Variants in TRIM3 observed in about 807,000 individuals in gnomAD.
TRIM3 encodes tripartite motif-containing protein 3.
Under a neutral mutation model 66.6 loss-of-function variants are expected in TRIM3, and 13 were observed. The observed-to-expected ratio is 0.20, with a 90% CI of 0.13 to 0.31. The LOEUF (loss-of-function observed/expected upper bound fraction) is 0.31. TRIM3 is among the 10% of genes least tolerant of loss of function. The pLI is 1.00. For synonymous variants in TRIM3, 406 were observed against 411.7 expected (o/e 0.99, Z 0.17); for missense variants, 711 against 1,020.4 (o/e 0.70, Z 4.13).
At chr11:6,460,384 G>A (rs1340093939) in intron 2 of TRIM3, among the ~76,000 whole-genome samples, 1 of 152,142 alleles carries the variant, frequency 6.6e-6, no homozygotes, top group Non-Finnish European at 1.5e-5. Flanking sequence ...GTTTTTACCT[G>A]TTTGGCATGG....
Position 6,457,720 on chromosome 11 carries a change from C to T in TRIM3, c.491G>A (p.Arg164His), listed in dbSNP as rs763745606. The change falls in exon 4 of 12, where the codon CGC (arginine) becomes CAC (histidine). Residue 164 changes from arginine (R) to histidine (H), a missense_variant. By Grantham distance (29) the Arg-to-His change is conservative. Coordinates refer to ENST00000345851, the MANE Select transcript of TRIM3 (RefSeq NM_033278.4). This position sits in a 1 kb window ranked among gnomAD's most constrained non-coding sequence, Gnocchi z 4.5. ...CCGGCCACGCACAGCCTCGAGCTGG[C>T]GCTGCAGGGCCGCCTTGTGCTGCTC... ...VVEQHKAALQ[R>H]QLEAVRGRLP... 1.9e-5 allele frequency: 31 copies of T among 1,613,382 alleles called. No individual in the cohort carries two copies. The highest frequency in any genetic ancestry group is 2.4e-5 in the Non-Finnish European group (28 of 1,179,678).
chr11:6,464,420 T>C (rs77737416), intron 2 of TRIM3, among the ~76,000 whole-genome samples: 3 of 152,240 alleles, frequency 2.0e-5, no homozygotes, highest in Non-Finnish European at 4.4e-5. Flanking sequence ...CAGGGAAACC[T>C]TCCCTGATTC....
intron 1 of TRIM3, among the ~76,000 whole-genome samples, chr11:6,467,121 A>G (rs1850501882): frequency 6.6e-6 from 1 of 152,168 alleles, no homozygotes; most frequent in Admixed American, 6.5e-5. Context: ...GGTGGCAGAT[A>G]TTTTAAAAGT....
At chr11:6,465,854 G>A (rs766248520) in intron 1 of TRIM3, 122 bp from the exon 2 acceptor site, 2 of 794,088 alleles carry the variant, frequency 2.5e-6, no homozygotes, top group Non-Finnish European at 2.0e-6. Flanking sequence ...GCAAGACAGG[G>A]CAGTGACTGG....
chr11:6,473,913 C>CCGG lies in TRIM3; in HGVS notation c.-163_-161dup, dbSNP rs1483000667. 6.6e-6 allele frequency: 1 copy of CCGG among 152,096 alleles called. No homozygotes were observed. The highest frequency in any genetic ancestry group is 1.5e-5 in the Non-Finnish European group (1 of 68,090). 9.4% of individuals were successfully genotyped at this position (152,096 alleles called of 1,614,324 possible). The stretch of plus-strand genomic sequence containing the variant: ...GCCCGCGCCTCCGCCTGTCCCCGCG[C>CCGG]CGGCGCCGCCGCCGGACTAGCCGCA... On this transcript the variant is annotated 5_prime_UTR_variant, in exon 1 of 12. Transcript: ENST00000345851.
chr11:6,457,225 A>G lies in TRIM3; in HGVS notation c.696+71T>C. On this transcript the variant is annotated intron_variant, in intron 5 of 11. Transcript: ENST00000345851. This position sits in a 1 kb window ranked among gnomAD's most constrained non-coding sequence, Gnocchi z 4.5. ...GGGGAATGGGGAGCTGGTGTGGAAG[A>G]CAGAGGAACAATGGAGGCAATAACA... 6.4e-7 allele frequency: 1 copy of G among 1,573,408 alleles called. No individual in the cohort carries two copies. The highest frequency in any genetic ancestry group is 2.2e-5 in the East Asian group (1 of 44,504).
intron 1 of TRIM3, among the ~76,000 whole-genome samples, chr11:6,473,462 A>G (rs1169284987): frequency 6.6e-6 from 1 of 151,816 alleles, no homozygotes; most frequent in Admixed American, 6.6e-5. Context: ...AATATTCCAG[A>G]GTCCCACTCA....
Position 6,451,049 on chromosome 11 carries a change from T to A in TRIM3, c.1713A>T (p.Gly571=). 1 of 1,614,106 alleles carries A rather than the reference T, an allele frequency of 6.2e-7. No homozygotes were observed. Among genetic ancestry groups the A allele is most frequent in the East Asian group, 2.2e-5 (1 of 44,876 alleles). The change falls in exon 9 of 12, where the codon GGA becomes GGT. Residue 571 remains glycine, a synonymous_variant. Transcript: ENST00000345851. Reference sequence around the variant, plus strand: ...CCTTGGGGCCCATGAGGCGGCCAGCTCCAATCTTGGTCTGGAGGAAGAGAA... The same window carrying A: ...CCTTGGGGCCCATGAGGCGGCCAGCACCAATCTTGGTCTGGAGGAAGAGAA... ...SPEGKFKTKI[G]AGRLMGPKGV... is the part of the protein sequence containing the mutation.
At chr11:6,454,437 A>G (rs1350322555) in intron 7 of TRIM3, among the ~76,000 whole-genome samples, 1 of 151,774 alleles carries the variant, frequency 6.6e-6, no homozygotes, top group African/African-American at 2.4e-5. Flanking sequence ...ACCAGGACAG[A>G]CAAAGTGGCA....
rs540900580 is a variant in TRIM3, at chr11:6,455,438, GA to G, written c.1533+633del. On this transcript the variant is annotated intron_variant, in intron 7 of 11. Transcript: ENST00000345851. The stretch of plus-strand genomic sequence containing the variant: ...GAGCTTTTACTACAAGAAACAGAGG[GA>G]AAAAAAGGCACATTTCCTGGCTTTG... Among the ~76,000 whole-genome samples, 33 of 152,036 alleles carry G rather than the reference GA, an allele frequency of 2.2e-4. No homozygotes were observed. In the South Asian group the frequency reaches 3.9e-3, roughly 18 times the overall value.
rs1176284010 is a variant in TRIM3 at position 6,456,802 on chromosome 11, C to T, written c.924G>A (p.Ser308=). ...TGAGCAGTGCGCCCAGATTGAGCAC[C>T]GATCGCCGCAGACCGTCCACCTCAA... The part of the protein sequence containing the change: ...LVLEVDGLRR[S]VLNLGALLTT... Residue 308 remains serine, a synonymous_variant, in exon 6 of 12, where the codon TCG becomes TCA. Coordinates refer to ENST00000345851, the MANE Select transcript of TRIM3 (RefSeq NM_033278.4). The surrounding 1 kb of genome is among the most constrained non-coding windows in gnomAD (Gnocchi z 6.4). 8 of 1,612,504 alleles carry T rather than the reference C, an allele frequency of 5.0e-6. No individual in the cohort carries two copies. The highest frequency in any genetic ancestry group is 1.1e-5 in the South Asian group (1 of 91,094).
chr11:6,466,101 C>T (rs1224717432), intron 1 of TRIM3, among the ~76,000 whole-genome samples: 3 of 152,100 alleles, frequency 2.0e-5, no homozygotes, highest in Admixed American at 6.5e-5. Context: ...ACTGACATAC[C>T]TACCCTTCAT....
At chr11:6,470,211 G>A (rs971337353) in intron 1 of TRIM3, among the ~76,000 whole-genome samples, 1 of 152,288 alleles carries the variant, frequency 6.6e-6, no homozygotes, top group East Asian at 1.9e-4. Context: ...TTGATTAGGA[G>A]AATAGCAAAG....
Position 6,456,186 on chromosome 11 carries a change from G to A in TRIM3, c.1430-11C>T. ...CCCTTCCACGACTGCCTGTGGGAAG[G>A]GACAGGAGGGAAAACAAAATAATTC... On this transcript the variant is annotated splice_polypyrimidine_tract_variant and intron_variant, in intron 6 of 11. Coordinates refer to ENST00000345851, the MANE Select transcript of TRIM3 (RefSeq NM_033278.4). The surrounding 1 kb of genome is among the most constrained non-coding windows in gnomAD (Gnocchi z 6.4). 1 of 1,613,680 alleles carries A rather than the reference G, an allele frequency of 6.2e-7. No individual in the cohort carries two copies. The highest frequency in any genetic ancestry group is 8.5e-7 in the Non-Finnish European group (1 of 1,179,706).
chr11:6,452,906 TC>T (rs1849792186), intron 7 of TRIM3: 1 of 152,192 alleles, frequency 6.6e-6, no homozygotes, highest in East Asian at 1.9e-4. Context: ...TCTTAGAATT[TC>T]CAGGTCACTT....
chr11:6,449,243 G>C lies in TRIM3; in HGVS notation c.2082+63C>G. ...CAGGCAGATGAGAGTCTGTTTTGGG[G>C]GAACGGGCATATGGGACACACCAGG... On this transcript the variant is annotated intron_variant, in intron 11 of 11. Coordinates refer to ENST00000345851, the MANE Select transcript of TRIM3 (RefSeq NM_033278.4). The surrounding 1 kb of genome is among the most constrained non-coding windows in gnomAD (Gnocchi z 5.3). 6.2e-7 allele frequency: 1 copy of C among 1,609,360 alleles called. No individual in the cohort carries two copies. The highest frequency in any genetic ancestry group is 8.5e-7 in the Non-Finnish European group (1 of 1,175,956).
chr11:6,461,769 T>C (rs1850251025), intron 2 of TRIM3, among the ~76,000 whole-genome samples: 1 of 152,210 alleles, frequency 6.6e-6, no homozygotes, highest in African/African-American at 2.4e-5. Context: ...GCTTCCTAAC[T>C]GGTCTCTGTT....
Position 6,449,247 on chromosome 11 carries a change from C to T in TRIM3, c.2082+59G>A, listed in dbSNP as rs563196566. The T allele has an allele frequency of 5.0e-5, 80 of 1,608,678 alleles. 1 individual carries two copies. The Admixed American group carries it at 9.3e-4, about 19-fold the overall frequency. ...CAGATGAGAGTCTGTTTTGGGGGAACGGGCATATGGGACACACCAGGAAAC... is the reference window on the plus strand; with the variant it reads ...CAGATGAGAGTCTGTTTTGGGGGAATGGGCATATGGGACACACCAGGAAAC... On this transcript the variant is annotated intron_variant, in intron 11 of 11. Coordinates refer to ENST00000345851, the MANE Select transcript of TRIM3 (RefSeq NM_033278.4). This position sits in a 1 kb window ranked among gnomAD's most constrained non-coding sequence, Gnocchi z 5.3.
At position 6,456,254 on chromosome 11, in the gene TRIM3, A is replaced by G; in HGVS notation, c.1429+43T>C. On this transcript the variant is annotated intron_variant, in intron 6 of 11. Transcript: ENST00000345851. The surrounding 1 kb of genome is among the most constrained non-coding windows in gnomAD (Gnocchi z 6.4). ...AACCTCCCTTCCCTCCCCACCCACTACCTGAGCCTGGCCCATCTGGCTCTG... is the reference window on the plus strand; with the variant it reads ...AACCTCCCTTCCCTCCCCACCCACTGCCTGAGCCTGGCCCATCTGGCTCTG... 5 of 1,592,852 alleles carry G rather than the reference A, an allele frequency of 3.1e-6. No homozygotes were observed. The highest frequency in any genetic ancestry group is 4.3e-6 in the Non-Finnish European group (5 of 1,166,594).
Sources: allele counts gnomAD v4.1 joint callset (sites outside exome capture counted in the v4.1 genomes callset), GRCh38; gene constraint gnomAD v4.1.1; non-coding constraint Gnocchi (gnomAD v3.1); transcripts MANE v1.5; gene names NCBI Gene and HGNC (gene_info 2026-07-23, HGNC 2026-07-21).